The following HELZ variants were observed in gnomAD, a reference collection of about 807,000 sequenced individuals.
HELZ encodes ATP-dependent RNA helicase with zinc finger domain.
Under a neutral mutation model 218.2 loss-of-function variants are expected in HELZ, and 23 were observed. That is an observed-to-expected ratio of 0.11 (90% confidence interval 0.08 to 0.15). The LOEUF is 0.15. HELZ is among the 10% of genes least tolerant of loss of function. HELZ has a pLI of 1.00. For missense variants in HELZ, 1,813 were observed against 2,353.7 expected (o/e 0.77, Z 4.75); for synonymous variants, 814 against 829.4 (o/e 0.98, Z 0.32).
intron 27 of HELZ, among the ~76,000 whole-genome samples, chr17:67,114,606 T>C (rs1055662791): frequency 6.6e-6 from 1 of 152,186 alleles, no homozygotes; most frequent in Non-Finnish European, 1.5e-5. Flanking sequence ...TGAAGCAAAC[T>C]TCATTGACAA....
At chr17:67,111,154 C>CAG (rs2037270004) in intron 28 of HELZ, among the ~76,000 whole-genome samples, 2 of 152,138 alleles carry the variant, frequency 1.3e-5, no homozygotes, top group African/African-American at 4.8e-5. Context: ...TTTTCAATAT[C>CAG]AGAGGAAACT....
At chr17:67,168,796 G>C (rs140902167) in intron 13 of HELZ, among the ~76,000 whole-genome samples, 70 of 152,210 alleles carry the variant, frequency 4.6e-4, no homozygotes, top group African/African-American at 1.6e-3. Context: ...AATTTACACA[G>C]TCAAGAAATA....
chr17:67,152,896 T>G (rs560946745), intron 17 of HELZ, among the ~76,000 whole-genome samples: 1 of 151,900 alleles, frequency 6.6e-6, no homozygotes, highest in Non-Finnish European at 1.5e-5. Context: ...GCATGGGGTA[T>G]TGGAAGCAAA....
intron 26 of HELZ, among the ~76,000 whole-genome samples, chr17:67,121,184 A>G (rs1042403779): frequency 1.3e-5 from 2 of 152,246 alleles, no homozygotes; most frequent in Non-Finnish European, 2.9e-5. Flanking sequence ...ACAAAAACAG[A>G]AAACTTGTTT....
chr17:67,187,669 C>A (rs1598392546), intron 12 of HELZ, among the ~76,000 whole-genome samples: 1 of 152,146 alleles, frequency 6.6e-6, no homozygotes, highest in East Asian at 1.9e-4. Flanking sequence ...GAAATGTGGG[C>A]TAACATGTCC....
intron 31 of HELZ, among the ~76,000 whole-genome samples, chr17:67,098,572 TAAA>T (rs770393293): frequency 2.4e-5 from 3 of 123,966 alleles, no homozygotes; most frequent in Admixed American, 8.0e-5. Context: ...CCGTCTCTAC[TAAA>T]AAAAAAAAAA....
At chr17:67,230,936 A>G (rs1048101599) in intron 3 of HELZ, among the ~76,000 whole-genome samples, 1 of 152,238 alleles carries the variant, frequency 6.6e-6, no homozygotes, top group Non-Finnish European at 1.5e-5. Flanking sequence ...AAAATAATAT[A>G]TATGGTATAA....
rs183072439 is a variant in HELZ at position 67,072,349 on chromosome 17, C to A, written c.*5903G>T. ...AGACTCTGCCCCGAAGAAAAAAAAA[C>A]AAAACTATTATTTTATTATTTAAGG... On this transcript the variant is annotated 3_prime_UTR_variant, in exon 33 of 33. Coordinates refer to ENST00000358691, the MANE Select transcript of HELZ (RefSeq NM_014877.4). 0.012 allele frequency: 1,760 copies of A among 152,560 alleles called. 14 individuals carry two copies. The highest frequency in any genetic ancestry group is 0.019 in the Non-Finnish European group (1,319 of 67,974). The allele number at this position is 152,560 out of a possible 1,614,324, so 9.5% of individuals were successfully genotyped here.
At chr17:67,151,006 A>C in intron 18 of HELZ, 40 bp downstream of exon 18, 2 of 1,569,024 alleles carry the variant, frequency 1.3e-6, no homozygotes, top group South Asian at 2.3e-5. Flanking sequence ...CTGAATTCAT[A>C]AGCCCTAAAC....
At chr17:67,197,466 C>T (rs930182543) in intron 7 of HELZ, among the ~76,000 whole-genome samples, 1 of 152,188 alleles carries the variant, frequency 6.6e-6, no homozygotes, top group Non-Finnish European at 1.5e-5. Flanking sequence ...GATTTCCCTG[C>T]AGAGTTTTCC....
intron 17 of HELZ, among the ~76,000 whole-genome samples, chr17:67,155,732 G>A (rs146254189): frequency 2.0e-5 from 3 of 152,022 alleles, no homozygotes; most frequent in Non-Finnish European, 2.9e-5. Flanking sequence ...AGCTACTTGG[G>A]AGGCTGAGGC....
chr17:67,088,907 G>T (rs570692028), intron 31 of HELZ, among the ~76,000 whole-genome samples: 1 of 152,308 alleles, frequency 6.6e-6, no homozygotes, highest in African/African-American at 2.4e-5. Context: ...GTAGTGAGTA[G>T]AATAAGTAAC....
intron 26 of HELZ, 104 bp from the exon 27 acceptor site, chr17:67,120,716 C>T: frequency 1.7e-6 from 1 of 601,936 alleles, no homozygotes; most frequent in South Asian, 2.0e-5. Flanking sequence ...GACATACAAA[C>T]ACACACACAC....
intron 31 of HELZ, among the ~76,000 whole-genome samples, chr17:67,101,709 T>C (rs1472441752): frequency 6.6e-6 from 1 of 152,220 alleles, no homozygotes; most frequent in Non-Finnish European, 1.5e-5. Flanking sequence ...CATTTCATTT[T>C]GCACTACCCC....
chr17:67,214,868 A>G (rs892037350), intron 5 of HELZ, among the ~76,000 whole-genome samples: 4 of 152,106 alleles, frequency 2.6e-5, no homozygotes, highest in Non-Finnish European at 5.9e-5. Context: ...ACAGGAGACC[A>G]GGTGCGGTGG....
intron 5 of HELZ, among the ~76,000 whole-genome samples, chr17:67,205,097 C>A (rs1051088575): frequency 6.6e-6 from 1 of 152,050 alleles, no homozygotes; most frequent in African/African-American, 2.4e-5. Flanking sequence ...GAGGCCGAGG[C>A]GGGCAGATCA....
chr17:67,105,132 C>G lies in HELZ; in HGVS notation c.5241+2037G>C, dbSNP rs564004233. Among the ~76,000 whole-genome samples, 14 of 152,108 alleles carry G rather than the reference C, an allele frequency of 9.2e-5. 1 individual carries two copies. Among genetic ancestry groups the G allele is most frequent in the African/African-American group, 2.9e-4 (12 of 41,496 alleles). ...TGGGCGACTGAGTGCGACTCCGTGT[C>G]AAAAAACAAACAAACAACACTACAA... On this transcript the variant is annotated intron_variant, in intron 31 of 32. Transcript: ENST00000358691.
chr17:67,096,071 T>C (rs1051867182), intron 31 of HELZ, among the ~76,000 whole-genome samples: 4 of 152,218 alleles, frequency 2.6e-5, no homozygotes, highest in African/African-American at 9.6e-5. Context: ...ATCAGAGTTC[T>C]TGGATGACCA....
intron 13 of HELZ, among the ~76,000 whole-genome samples, chr17:67,168,358 A>AC (rs1288373281): frequency 6.6e-6 from 1 of 152,214 alleles, no homozygotes; most frequent in Non-Finnish European, 1.5e-5. Flanking sequence ...AAGAATATGC[A>AC]CATTCAAAAA....
Sources: gnomAD v4.1 joint callset for allele counts (sites outside exome capture counted in the v4.1 genomes callset) on GRCh38, gnomAD v4.1.1 for gene constraint, MANE v1.5 for transcripts, NCBI Gene and HGNC (gene_info 2026-07-23, HGNC 2026-07-21) for gene names.